The following SCN1A variants were observed in gnomAD, a reference collection of about 807,000 sequenced individuals.
The protein encoded by SCN1A is sodium voltage-gated channel alpha subunit 1, also known as sodium channel protein type 1 subunit alpha.
SCN1A carries 13 observed loss-of-function variants against 193.7 expected under a neutral mutation model. That is an observed-to-expected ratio of 0.07 (90% CI 0.04 to 0.11). SCN1A has a LOEUF of 0.11. Among genes scored for constraint, SCN1A ranks in the 10% least tolerant of loss-of-function variants. The pLI is 1.00. For synonymous variants in SCN1A, 781 were observed against 843.6 expected (o/e 0.93, Z 1.29); for missense variants, 1,432 against 2,451.1 (o/e 0.58, Z 8.78).
intron 1 of SCN1A, among the ~76,000 whole-genome samples, chr2:166,137,866 G>A (rs918902561): frequency 6.6e-6 from 1 of 152,176 alleles, no homozygotes; most frequent in African/African-American, 2.4e-5. Flanking sequence ...ACTCCCTAGA[G>A]ACTTGTTGAA....
chr2:166,038,207 G>T, intron 17 of SCN1A, 75 bp from the exon 18 acceptor site: 1 of 1,165,978 alleles, frequency 8.6e-7, no homozygotes, highest in Middle Eastern at 2.2e-4. Context: ...ACCTAGAAAT[G>T]GTCATTAGAA....
intron 4 of SCN1A, chr2:166,060,321 C>G (rs1264321719): frequency 6.6e-6 from 1 of 152,148 alleles, no homozygotes; most frequent in Non-Finnish European, 1.5e-5. Flanking sequence ...GCCAACAATA[C>G]TTAGCCCTCT....
At chr2:166,129,940 C>CCATGATAAACTCAA, upstream of SCN1A, among the ~76,000 whole-genome samples, 1 of 152,088 alleles carries the variant, frequency 6.6e-6, no homozygotes, top group Non-Finnish European at 1.5e-5. Context: ...CAAAGAGAGC[C>CCATGATAAACTCAA]ACTACATGTG....
At chr2:166,055,179 C>A (rs892710967) in intron 6 of SCN1A, among the ~76,000 whole-genome samples, 3 of 126,660 alleles carry the variant, frequency 2.4e-5, no homozygotes, top group Non-Finnish European at 5.1e-5. Flanking sequence ...AGGAAACTGA[C>A]AAATTAGCAC....
intron 17 of SCN1A, among the ~76,000 whole-genome samples, chr2:166,038,522 G>C (rs1696752509): frequency 6.6e-6 from 1 of 151,926 alleles, no homozygotes; most frequent in African/African-American, 2.4e-5. Context: ...ATATATAGTA[G>C]AGACGGAGTT....
chr2:166,089,975 C>T (rs1181240313), intron 2 of SCN1A, among the ~76,000 whole-genome samples: 1 of 150,230 alleles, frequency 6.7e-6, no homozygotes, highest in Non-Finnish European at 1.5e-5. Flanking sequence ...GCTTTAACTC[C>T]GTAGGTCCTA....
chr2:166,057,622 A>G (rs1203782423), intron 5 of SCN1A, among the ~76,000 whole-genome samples: 2 of 152,066 alleles, frequency 1.3e-5, no homozygotes, highest in Non-Finnish European at 2.9e-5. Context: ...TAAAAACCCT[A>G]TCATATGATT....
intron 1 of SCN1A, among the ~76,000 whole-genome samples, chr2:166,135,019 G>A (rs1691801168): frequency 6.6e-6 from 1 of 152,158 alleles, no homozygotes; most frequent in Admixed American, 6.5e-5. Flanking sequence ...TCTATTCTGT[G>A]TTTATGTGTT....
chr2:166,122,436 A>G (rs1196484921), intron 2 of SCN1A, among the ~76,000 whole-genome samples: 3 of 152,218 alleles, frequency 2.0e-5, no homozygotes, highest in Non-Finnish European at 2.9e-5. Context: ...AGTTAGATCA[A>G]TAAAGTGTTT....
chr2:166,105,846 G>A (rs1198384422), intron 2 of SCN1A, among the ~76,000 whole-genome samples: 3 of 152,142 alleles, frequency 2.0e-5, no homozygotes, highest in African/African-American at 4.8e-5. Context: ...AATATTAACT[G>A]AGCAAAATAA....
chr2:166,025,780 T>C (rs890248647), intron 19 of SCN1A, among the ~76,000 whole-genome samples: 86 of 152,324 alleles, frequency 5.6e-4, no homozygotes, highest in Non-Finnish European at 1.9e-4. Flanking sequence ...CCTTTTTTGT[T>C]CCTTTTCTAA....
intron 19 of SCN1A, among the ~76,000 whole-genome samples, chr2:166,019,385 A>C (rs1200480496): frequency 6.6e-6 from 1 of 152,196 alleles, no homozygotes; most frequent in African/African-American, 2.4e-5. Flanking sequence ...CTACTGTAGG[A>C]AAGTGGAGGT....
Position 166,041,541 on chromosome 2 carries a change from A to T in SCN1A, c.2177-72T>A, listed in dbSNP as rs1257295660. 5 of 1,013,894 alleles carry T rather than the reference A, an allele frequency of 4.9e-6. No individual in the cohort carries two copies. In the East Asian group the frequency reaches 9.5e-5, roughly 19 times the overall value. The allele number at this position is 1,013,894 out of a possible 1,614,324, so 62.8% of individuals were successfully genotyped here. On this transcript the variant is annotated intron_variant, in intron 15 of 28. Coordinates refer to ENST00000674923, the MANE Select transcript of SCN1A (RefSeq NM_001165963.4). ...ATACACACACATTTATTTCATATCC[A>T]CTAAACTTATTTTCAGTAATCAACA...
chr2:166,006,898 C>T (rs1028622418), intron 23 of SCN1A, among the ~76,000 whole-genome samples: 1 of 151,140 alleles, frequency 6.6e-6, no homozygotes, highest in Non-Finnish European at 1.5e-5. Flanking sequence ...TGTTTTTTCA[C>T]ATAATCATTC....
At chr2:166,020,490 A>G (rs761466342) in intron 19 of SCN1A, among the ~76,000 whole-genome samples, 11 of 152,134 alleles carry the variant, frequency 7.2e-5, no homozygotes, top group African/African-American at 9.7e-5. Flanking sequence ...GCACATTTCT[A>G]TTTTCACCAG....
intron 12 of SCN1A, among the ~76,000 whole-genome samples, chr2:166,046,424 T>C (rs1697828935): frequency 6.6e-6 from 1 of 152,166 alleles, no homozygotes; most frequent in Non-Finnish European, 1.5e-5. Context: ...ACTCTTCATA[T>C]GATAACCAAT....
At chr2:166,094,036 G>A (rs1490329437) in intron 2 of SCN1A, among the ~76,000 whole-genome samples, 1 of 140,770 alleles carries the variant, frequency 7.1e-6, no homozygotes, top group Non-Finnish European at 1.5e-5. Flanking sequence ...AATCCTTATC[G>A]GTCAAATCTT....
intron 16 of SCN1A, among the ~76,000 whole-genome samples, chr2:166,040,801 A>T (rs1697073900): frequency 6.6e-6 from 1 of 152,236 alleles, no homozygotes; most frequent in Non-Finnish European, 1.5e-5. Context: ...TACTACTTAG[A>T]TCCTGGAAGA....
intron 2 of SCN1A, among the ~76,000 whole-genome samples, chr2:166,086,964 C>CA (rs1686198828): frequency 6.6e-6 from 1 of 152,054 alleles, no homozygotes; most frequent in Admixed American, 6.6e-5. Context: ...CTATTTCTGT[C>CA]TAGGTGTATG....
Sources: allele counts gnomAD v4.1 joint callset (sites outside exome capture counted in the v4.1 genomes callset), GRCh38; gene constraint gnomAD v4.1.1; transcripts MANE v1.5; gene names NCBI Gene and HGNC (gene_info 2026-07-23, HGNC 2026-07-21).